PHACTR2: variants seen among roughly 807,000 people sequenced by gnomAD.
The protein encoded by PHACTR2 is chromosome 6 open reading frame 56.
A neutral mutation model predicts 76.0 loss-of-function variants in PHACTR2; 30 were observed. That is an observed-to-expected ratio of 0.39 (90% CI 0.30 to 0.54). The LOEUF (loss-of-function observed/expected upper bound fraction) is 0.54, where lower values mean the gene tolerates loss of function less well. Among genes scored for constraint, PHACTR2 ranks in the 20% least tolerant of loss-of-function variants. The pLI is 0.61. For synonymous variants in PHACTR2, 292 were observed against 292.5 expected, an observed-to-expected ratio of 1.00 and a Z score of 0.02; for missense variants, 696 against 781.1, an observed-to-expected ratio of 0.89 and a Z score of 1.30.
intron 1 of PHACTR2, among the ~76,000 whole-genome samples, chr6:143,582,889 G>A (rs975903747): frequency 5.9e-5 from 9 of 152,266 alleles, no homozygotes; most frequent in African/African-American, 1.9e-4. Flanking sequence ...AGATTTTATT[G>A]AGGGATTCAG....
intron 1 of PHACTR2, among the ~76,000 whole-genome samples, chr6:143,685,688 GA>G (rs145706092): frequency 0.12 from 9,006 of 78,174 alleles, 289 homozygotes; most frequent in African/African-American, 0.16. Context: ...GCAATTAAAT[GA>G]AAAAAAAAAA....
Position 143,789,538 on chromosome 6 carries a change from G to T in PHACTR2, c.1845+628G>T, listed in dbSNP as rs1327456934. Among the ~76,000 whole-genome samples, 2 of 152,182 alleles carry T rather than the reference G, an allele frequency of 1.3e-5. No individual in the cohort carries two copies. ...GAAATATACAGTGGGTTCTATCAAT[G>T]TAGAAAGACTTTTACCTTATTAGTA... On this transcript the variant is annotated intron_variant, in intron 11 of 12. Coordinates refer to ENST00000440869, the MANE Select transcript of PHACTR2 (RefSeq NM_001100164.2). The surrounding 1 kb of genome is among the most constrained non-coding windows in gnomAD (Gnocchi z 5.1).
chr6:143,619,267 T>A lies in PHACTR2; in HGVS notation c.13+10945T>A, dbSNP rs1048147169. Among the ~76,000 whole-genome samples the A allele has an allele frequency of 2.0e-5, 3 of 152,140 alleles. No homozygotes were observed. Among genetic ancestry groups the A allele is most frequent in the African/African-American group, 7.2e-5 (3 of 41,438 alleles). Reference sequence around the variant, plus strand: ...CTACCAGCCCCACTCCAGACCTAGTTAATTCAGAATCTCCCATGGGAAGAA... The same window carrying A: ...CTACCAGCCCCACTCCAGACCTAGTAAATTCAGAATCTCCCATGGGAAGAA... On this transcript the variant is annotated intron_variant, in intron 1 of 11. Transcript: ENST00000305766. The surrounding 1 kb of genome is among the most constrained non-coding windows in gnomAD (Gnocchi z 4.5).
intron 1 of PHACTR2, among the ~76,000 whole-genome samples, chr6:143,628,227 T>C (rs931381198): frequency 1.2e-4 from 19 of 152,258 alleles, no homozygotes; most frequent in Non-Finnish European, 4.4e-5. Context: ...ACCATTTAGC[T>C]ATCATGAATA....
chr6:143,731,172 GA>G lies in PHACTR2; in HGVS notation c.215-17812del, dbSNP rs781780653. On this transcript the variant is annotated intron_variant, in intron 2 of 12. Transcript: ENST00000440869. The surrounding 1 kb of genome is among the most constrained non-coding windows in gnomAD (Gnocchi z 4.9). ...TCAAACGCATTTTTCTGGATCAATT[GA>G]TATGGTCATTTCAGTTTTTTTCTTT... Among the ~76,000 whole-genome samples, 13 of 152,320 alleles carry G rather than the reference GA, an allele frequency of 8.5e-5. No homozygotes were observed. The highest frequency in any genetic ancestry group is 3.4e-3 in the Middle Eastern group (1 of 294).
Position 143,608,423 on chromosome 6 carries a change from C to A in PHACTR2, c.13+101C>A. 8.3e-7 allele frequency: 1 copy of A among 1,206,298 alleles called. No individual in the cohort carries two copies. The highest frequency in any genetic ancestry group is 1.2e-6 in the Non-Finnish European group (1 of 818,336). The allele number at this position is 1,206,298 out of a possible 1,614,324, so 74.7% of individuals were successfully genotyped here. On this transcript the variant is annotated intron_variant, in intron 1 of 11. Coordinates refer to the PHACTR2 transcript ENST00000305766. The surrounding 1 kb of genome is among the most constrained non-coding windows in gnomAD (Gnocchi z 4.6). ...GCCTATTTGTTGCTCTCGTTTTGCACTTAAATGTTCAAGACTGAGACGCGT... is the reference window on the plus strand; with the variant it reads ...GCCTATTTGTTGCTCTCGTTTTGCAATTAAATGTTCAAGACTGAGACGCGT...
rs1345126982 is a variant in PHACTR2 at position 143,751,813 on chromosome 6, C to CACAT, written c.296-1938_296-1937insTACA. Among the ~76,000 whole-genome samples the CACAT allele has an allele frequency of 6.6e-6, 1 of 151,776 alleles. No homozygotes were observed. Among genetic ancestry groups the CACAT allele is most frequent in the African/African-American group, 2.4e-5 (1 of 41,286 alleles). On this transcript the variant is annotated intron_variant, in intron 3 of 12. Coordinates refer to ENST00000440869, the MANE Select transcript of PHACTR2 (RefSeq NM_001100164.2). The surrounding 1 kb of genome is among the most constrained non-coding windows in gnomAD (Gnocchi z 5.7). ...ACTTACACACACACACACACACACA[C>CACAT]ACACACACACACTATATCAAGGATT...
rs903440178 is a variant in PHACTR2 at position 143,818,875 on chromosome 6, G to A, written c.1923-4799G>A. On this transcript the variant is annotated intron_variant, in intron 12 of 12. Transcript: ENST00000440869. The surrounding 1 kb of genome is among the most constrained non-coding windows in gnomAD (Gnocchi z 4.9). ...GAACACAGCCAAACCATATCAATTT[G>A]CCTTTCACATTGTATATAAAATATT... Among the ~76,000 whole-genome samples, 1 of 152,184 alleles carries A rather than the reference G, an allele frequency of 6.6e-6. No homozygotes were observed. The highest frequency in any genetic ancestry group is 2.4e-5 in the African/African-American group (1 of 41,452).
intron 3 of PHACTR2, 144 bp downstream of exon 3, chr6:143,749,209 G>A (rs942869657): frequency 1.7e-6 from 1 of 594,900 alleles, no homozygotes; most frequent in Non-Finnish European, 3.0e-6. Flanking sequence ...GCTTCCATTG[G>A]TAATGCCTTT....
At chr6:143,716,043 C>CA (rs1330238347) in intron 2 of PHACTR2, among the ~76,000 whole-genome samples, 1 of 152,128 alleles carries the variant, frequency 6.6e-6, no homozygotes, top group Non-Finnish European at 1.5e-5. Context: ...GTTCTAGCAG[C>CA]AAGCTTACCT....
chr6:143,814,047 A>G (rs1036650212), intron 12 of PHACTR2, among the ~76,000 whole-genome samples: 1 of 152,350 alleles, frequency 6.6e-6, no homozygotes, highest in Admixed American at 6.5e-5. Context: ...TACAGGAAAG[A>G]AAATGTTACT....
chr6:143,802,681 A>C (rs1303944264), intron 11 of PHACTR2, among the ~76,000 whole-genome samples: 1 of 148,708 alleles, frequency 6.7e-6, no homozygotes, highest in African/African-American at 2.5e-5. Flanking sequence ...CTAATTACAT[A>C]TATGTGAAGA....
At position 143,618,878 on chromosome 6, in the gene PHACTR2, C is replaced by T. The variant is rs1776103792; in HGVS notation, c.13+10556C>T. On this transcript the variant is annotated intron_variant, in intron 1 of 11. Coordinates refer to the PHACTR2 transcript ENST00000305766. This position sits in a 1 kb window ranked among gnomAD's most constrained non-coding sequence, Gnocchi z 5.2. ...GCAGATATACCATCATGCTGCTTCA[C>T]GTGCTCCTCAAGAACAGGGCCACGT... 6.6e-6 allele frequency among the ~76,000 whole-genome samples: 1 copy of T among 152,052 alleles called. No individual in the cohort carries two copies. Among genetic ancestry groups the T allele is most frequent in the South Asian group, 2.1e-4 (1 of 4,818 alleles).
rs1193186969 is a variant in PHACTR2 at position 143,678,056 on chromosome 6, C to A, written c.-108C>A. 3 of 1,527,752 alleles carry A rather than the reference C, an allele frequency of 2.0e-6. No individual in the cohort carries two copies. The highest frequency in any genetic ancestry group is 2.6e-6 in the Non-Finnish European group (3 of 1,135,144). 94.6% of individuals were successfully genotyped at this position (1,527,752 alleles called of 1,614,324 possible). A position where few individuals can be genotyped will look rare whatever the true frequency, so the allele number is the denominator to read the frequency against. ...AGGTGAGGGGACCCGGCGGGCCGCTCGGCACAGGCCGGGACATGAACGCCT... is the reference window on the plus strand; with the variant it reads ...AGGTGAGGGGACCCGGCGGGCCGCTAGGCACAGGCCGGGACATGAACGCCT... On this transcript the variant is annotated 5_prime_UTR_variant, in exon 1 of 13. Transcript: ENST00000440869. The surrounding 1 kb of genome is among the most constrained non-coding windows in gnomAD (Gnocchi z 6.2).
rs1318843369 is a variant in PHACTR2 at position 143,639,378 on chromosome 6, C to T, written c.13+31056C>T. On this transcript the variant is annotated intron_variant, in intron 1 of 11. Coordinates refer to the PHACTR2 transcript ENST00000305766. This position sits in a 1 kb window ranked among gnomAD's most constrained non-coding sequence, Gnocchi z 5.0. Reference sequence around the variant, plus strand: ...GTTTATGCCATCAAGGCTATCATTGCTCAAAACATTTCAAAAATTACTAAG... The same window carrying T: ...GTTTATGCCATCAAGGCTATCATTGTTCAAAACATTTCAAAAATTACTAAG... Among the ~76,000 whole-genome samples the T allele has an allele frequency of 6.6e-6, 1 of 152,166 alleles. No homozygotes were observed. Among genetic ancestry groups the T allele is most frequent in the African/African-American group, 2.4e-5 (1 of 41,432 alleles).
rs1038747778 is a variant in PHACTR2 at position 143,709,518 on chromosome 6, T to C, written c.47-2498T>C. 6.6e-6 allele frequency among the ~76,000 whole-genome samples: 1 copy of C among 152,260 alleles called. No homozygotes were observed. Among genetic ancestry groups the C allele is most frequent in the Non-Finnish European group, 1.5e-5 (1 of 68,048 alleles). ...TTGGACATTTTTGTATTATGTTATGTGACTCTAGATCTTGTTTGAAACCTT... is the reference window on the plus strand; with the variant it reads ...TTGGACATTTTTGTATTATGTTATGCGACTCTAGATCTTGTTTGAAACCTT... On this transcript the variant is annotated intron_variant, in intron 1 of 12. Transcript: ENST00000440869. This position sits in a 1 kb window ranked among gnomAD's most constrained non-coding sequence, Gnocchi z 4.4.
rs1270556521 is a variant in PHACTR2, at chr6:143,677,973, G to A, written c.-191G>A. 3 of 1,421,134 alleles carry A rather than the reference G, an allele frequency of 2.1e-6. No homozygotes were observed. The highest frequency in any genetic ancestry group is 3.0e-5 in the African/African-American group (2 of 65,772). The allele number at this position is 1,421,134 out of a possible 1,614,324, so 88.0% of individuals were successfully genotyped here. Reference sequence around the variant, plus strand: ...ATAGAGGAATGACAGGCATCCGCTGGGCAGGATCCGCCGCGCCGGCTGCGG... The same window carrying A: ...ATAGAGGAATGACAGGCATCCGCTGAGCAGGATCCGCCGCGCCGGCTGCGG... On this transcript the variant is annotated 5_prime_UTR_variant, in exon 1 of 13. Coordinates refer to ENST00000440869, the MANE Select transcript of PHACTR2 (RefSeq NM_001100164.2).
intron 1 of PHACTR2, among the ~76,000 whole-genome samples, chr6:143,691,412 A>G (rs1362877703): frequency 6.6e-6 from 1 of 152,194 alleles, no homozygotes; most frequent in Non-Finnish European, 1.5e-5. Flanking sequence ...GAATTGGGTC[A>G]TTCATATTTA....
intron 4 of PHACTR2, among the ~76,000 whole-genome samples, chr6:143,756,549 AT>A (rs1385604513): frequency 6.6e-6 from 1 of 151,546 alleles, no homozygotes; most frequent in African/African-American, 2.4e-5. Context: ...CAAAAAAAAA[AT>A]TAGCCGGGCG....
Sources: allele counts gnomAD v4.1 joint callset (sites outside exome capture counted in the v4.1 genomes callset), GRCh38; gene constraint gnomAD v4.1.1; non-coding constraint Gnocchi (gnomAD v3.1); transcripts MANE v1.5; gene names NCBI Gene and HGNC (gene_info 2026-07-23, HGNC 2026-07-21).